The following PDE4B variants were observed in gnomAD, a reference collection of about 807,000 sequenced individuals.
PDE4B encodes the protein phosphodiesterase 4B, also known as 3',5'-cyclic-AMP phosphodiesterase 4B.
In PDE4B, 20 loss-of-function variants were observed where a neutral mutation model predicts 82.2. The ratio of observed to expected loss-of-function variants is 0.24; its 90% CI spans 0.17 to 0.35. The LOEUF (loss-of-function observed/expected upper bound fraction) is 0.35, where lower values mean the gene tolerates loss of function less well. PDE4B is among the 10% of genes least tolerant of loss of function. The pLI is 1.00. For synonymous variants in PDE4B, 320 were observed against 318.9 expected (o/e 1.00, Z -0.04); for missense variants, 655 against 907.2 (o/e 0.72, Z 3.57).
intron 3 of PDE4B, among the ~76,000 whole-genome samples, chr1:65,950,029 C>T (rs551080473): frequency 8.5e-5 from 13 of 152,156 alleles, no homozygotes; most frequent in African/African-American, 3.1e-4. Context: ...ACCGTGGCTG[C>T]CATCCAGGTG....
chr1:65,858,615 A>G (rs1473898348), intron 1 of PDE4B, among the ~76,000 whole-genome samples: 1 of 152,176 alleles, frequency 6.6e-6, no homozygotes, highest in East Asian at 1.9e-4. Flanking sequence ...AAGTAGTCAC[A>G]TTTAGACTTA....
chr1:66,283,755 A>G (rs1656460777), intron 7 of PDE4B, among the ~76,000 whole-genome samples: 1 of 152,180 alleles, frequency 6.6e-6, no homozygotes, highest in Non-Finnish European at 1.5e-5. Context: ...TGGGGTTAAC[A>G]ACACACCAAA....
chr1:65,966,614 A>G (rs964221472), intron 3 of PDE4B, among the ~76,000 whole-genome samples: 3 of 152,220 alleles, frequency 2.0e-5, no homozygotes, highest in African/African-American at 7.2e-5. Context: ...AAAAGAACAA[A>G]GCTGGAGGCA....
chr1:65,826,081 A>G (rs1262089214), intron 1 of PDE4B, among the ~76,000 whole-genome samples: 1 of 151,982 alleles, frequency 6.6e-6, no homozygotes, highest in Non-Finnish European at 1.5e-5. Context: ...GTTTTAACAA[A>G]CTCTTCACCT....
chr1:66,032,821 A>AT (rs1207402729), intron 3 of PDE4B, among the ~76,000 whole-genome samples: 1 of 149,594 alleles, frequency 6.7e-6, no homozygotes, highest in Non-Finnish European at 1.5e-5. Context: ...CGCCCGGCTA[A>AT]TTTTTTGTAT....
intron 6 of PDE4B, among the ~76,000 whole-genome samples, chr1:66,260,042 A>C (rs1654567659): frequency 6.6e-6 from 1 of 152,222 alleles, no homozygotes. Flanking sequence ...GTAGGTGCTC[A>C]ATAAATGTGA....
intron 4 of PDE4B, among the ~76,000 whole-genome samples, chr1:66,250,118 T>A (rs1480481754): frequency 6.6e-6 from 1 of 152,204 alleles, no homozygotes; most frequent in Non-Finnish European, 1.5e-5. Context: ...AAAGTAATGC[T>A]CTTAAAGCTA....
At chr1:66,283,891 AAGAG>A (rs1173901454) in intron 7 of PDE4B, among the ~76,000 whole-genome samples, 3 of 151,652 alleles carry the variant, frequency 2.0e-5, no homozygotes, top group Admixed American at 6.6e-5. Flanking sequence ...GAGCGAGAGA[AAGAG>A]AGAGAGAGAG....
intron 3 of PDE4B, among the ~76,000 whole-genome samples, chr1:66,236,404 A>G (rs1652456818): frequency 6.6e-6 from 1 of 152,116 alleles, no homozygotes; most frequent in South Asian, 2.1e-4. Context: ...TCAATCACTT[A>G]TCTTTTAAAG....
chr1:66,274,339 T>TA (rs1364602559), intron 7 of PDE4B, among the ~76,000 whole-genome samples: 1 of 149,950 alleles, frequency 6.7e-6, no homozygotes, highest in Non-Finnish European at 1.5e-5. Context: ...TTTTTTTTTT[T>TA]TTTATATATT....
chr1:66,172,977 A>T (rs1044951645), intron 3 of PDE4B, among the ~76,000 whole-genome samples: 1 of 152,202 alleles, frequency 6.6e-6, no homozygotes, highest in Non-Finnish European at 1.5e-5. Context: ...TTGTATAATT[A>T]TCAGATAGAG....
chr1:66,137,305 G>A (rs1406025617), intron 3 of PDE4B, among the ~76,000 whole-genome samples: 1 of 152,164 alleles, frequency 6.6e-6, no homozygotes, highest in Non-Finnish European at 1.5e-5. Flanking sequence ...ATAGTGAAGA[G>A]GTTAGGACTG....
intron 3 of PDE4B, among the ~76,000 whole-genome samples, chr1:66,182,375 A>G (rs889409977): frequency 3.3e-5 from 5 of 152,316 alleles, no homozygotes; most frequent in Admixed American, 2.6e-4. Flanking sequence ...AAACATATAT[A>G]GAGAATGATC....
At chr1:66,169,818 C>A (rs750010450) in intron 3 of PDE4B, among the ~76,000 whole-genome samples, 12 of 152,084 alleles carry the variant, frequency 7.9e-5, no homozygotes, top group Non-Finnish European at 1.3e-4. Context: ...CAAATTATTT[C>A]TTTTTTGGAG....
intron 16 of PDE4B, among the ~76,000 whole-genome samples, chr1:66,370,204 A>G (rs551587279): frequency 9.9e-5 from 15 of 151,534 alleles, no homozygotes; most frequent in African/African-American, 2.7e-4. Flanking sequence ...AAGTGCTCTG[A>G]AGTCTAATAT....
chr1:66,255,581 C>G (rs1654155958), intron 4 of PDE4B, among the ~76,000 whole-genome samples: 1 of 152,160 alleles, frequency 6.6e-6, no homozygotes, highest in African/African-American at 2.4e-5. Context: ...TACCTTTGTT[C>G]CTGCCATTTC....
At chr1:66,067,041 G>A (rs1321223659) in intron 3 of PDE4B, among the ~76,000 whole-genome samples, 1 of 151,966 alleles carries the variant, frequency 6.6e-6, no homozygotes, top group African/African-American at 2.4e-5. Context: ...CTGAAGCTAA[G>A]AAACCTATAA....
intron 1 of PDE4B, among the ~76,000 whole-genome samples, chr1:65,848,774 C>T (rs893513243): frequency 1.3e-5 from 2 of 152,080 alleles, no homozygotes; most frequent in African/African-American, 4.8e-5. Context: ...ACAAATCATT[C>T]ATCCATTTAC....
intron 1 of PDE4B, among the ~76,000 whole-genome samples, chr1:65,825,705 CCTATCTATCTAT>C (rs57327589): frequency 1.2e-3 from 126 of 107,442 alleles, no homozygotes; most frequent in East Asian, 7.1e-3. Context: ...AACAAAATTA[CCTATCTATCTAT>C]CTATCTATCT....
Sources: allele counts gnomAD v4.1 joint callset (sites outside exome capture counted in the v4.1 genomes callset), GRCh38; gene constraint gnomAD v4.1.1; transcripts MANE v1.5; gene names NCBI Gene and HGNC (gene_info 2026-07-23, HGNC 2026-07-21).